The following AFG2A variants were observed in gnomAD, a reference collection of about 807,000 sequenced individuals.
AFG2A encodes the protein ATPase family gene 2 protein homolog A.
At chr4:123,179,307 CTACT>C in the AFG2A span, among the ~76,000 whole-genome samples, 321 of 149,674 alleles carry the variant, frequency 2.1e-3, 3 homozygotes, top group South Asian at 6.4e-3. Flanking sequence ...CTCACACATA[CTACT>C]TACTTACTTA....
chr4:123,166,392 A>T, the AFG2A span, among the ~76,000 whole-genome samples: 1 of 152,162 alleles, frequency 6.6e-6, no homozygotes, highest in Non-Finnish European at 1.5e-5. Flanking sequence ...TTGGAACTCG[A>T]ACTGGCTTCC....
the AFG2A span, among the ~76,000 whole-genome samples, chr4:122,987,437 G>T: frequency 6.6e-6 from 1 of 152,004 alleles, no homozygotes; most frequent in Non-Finnish European, 1.5e-5. Context: ...TTATTGATAG[G>T]TAAGGGCTTA....
chr4:123,141,978 A>G, the AFG2A span, among the ~76,000 whole-genome samples: 2 of 152,150 alleles, frequency 1.3e-5, no homozygotes, highest in African/African-American at 2.4e-5. Flanking sequence ...TAGGTTGACT[A>G]TTTGAATTCG....
At chr4:123,111,804 T>G in the AFG2A span, among the ~76,000 whole-genome samples, 1 of 152,126 alleles carries the variant, frequency 6.6e-6, no homozygotes, top group African/African-American at 2.4e-5. Context: ...TGGCATGATC[T>G]CTGCTCATTG....
chr4:123,214,022 T>C, the AFG2A span, among the ~76,000 whole-genome samples: 1 of 152,164 alleles, frequency 6.6e-6, no homozygotes, highest in African/African-American at 2.4e-5. Context: ...ATCAGTTATT[T>C]TGGCAAATTA....
At chr4:123,117,218 A>G in the AFG2A span, among the ~76,000 whole-genome samples, 1 of 151,982 alleles carries the variant, frequency 6.6e-6, no homozygotes, top group Admixed American at 6.6e-5. Context: ...CAGTGTAAGG[A>G]GTAGGTATTT....
the AFG2A span, among the ~76,000 whole-genome samples, chr4:122,946,236 C>T: frequency 2.0e-5 from 3 of 152,178 alleles, no homozygotes; most frequent in African/African-American, 7.2e-5. Flanking sequence ...CTTATAATTA[C>T]AAGGGTTCTT....
the AFG2A span, among the ~76,000 whole-genome samples, chr4:122,949,138 A>T: frequency 6.6e-6 from 1 of 152,146 alleles, no homozygotes; most frequent in Non-Finnish European, 1.5e-5. Context: ...TACATACACA[A>T]CAGGTTTTAA....
chr4:122,966,425 A>G, the AFG2A span, among the ~76,000 whole-genome samples: 1 of 152,126 alleles, frequency 6.6e-6, no homozygotes, highest in East Asian at 1.9e-4. Context: ...TGAACTCTGG[A>G]GACTTAGGAT....
At chr4:123,017,414 ATTTTTTTTTTTTTTTTT>A in the AFG2A span, among the ~76,000 whole-genome samples, 6 of 74,732 alleles carry the variant, frequency 8.0e-5, no homozygotes, top group African/African-American at 2.1e-4. Flanking sequence ...AGCATGGGAA[ATTTTTTTTTTTTTTTTT>A]TTTTTTTTTT....
At chr4:123,073,590 T>C in the AFG2A span, among the ~76,000 whole-genome samples, 1 of 152,172 alleles carries the variant, frequency 6.6e-6, no homozygotes, top group Non-Finnish European at 1.5e-5. Flanking sequence ...TTTGTTCCTG[T>C]CCAAACTTAT....
chr4:123,057,849 T>C, the AFG2A span, among the ~76,000 whole-genome samples: 1 of 152,030 alleles, frequency 6.6e-6, no homozygotes, highest in Non-Finnish European at 1.5e-5. Flanking sequence ...TGTTCATAAG[T>C]ATGTTTTTTT....
At chr4:123,139,735 A>C in the AFG2A span, among the ~76,000 whole-genome samples, 1 of 152,076 alleles carries the variant, frequency 6.6e-6, no homozygotes, top group Non-Finnish European at 1.5e-5. Flanking sequence ...CATGCTTTAC[A>C]AAAATTGCCA....
the AFG2A span, among the ~76,000 whole-genome samples, chr4:123,109,862 A>C: frequency 6.6e-6 from 1 of 152,188 alleles, no homozygotes; most frequent in Non-Finnish European, 1.5e-5. Context: ...TTAGTATGAA[A>C]TAAACCTGCC....
chr4:123,310,574 T>G, the AFG2A span, among the ~76,000 whole-genome samples: 81 of 152,036 alleles, frequency 5.3e-4, no homozygotes, highest in South Asian at 0.016. Flanking sequence ...TCTAATACCA[T>G]GGTACACACG....
chr4:123,206,868 G>A, the AFG2A span, among the ~76,000 whole-genome samples: 1 of 152,040 alleles, frequency 6.6e-6, no homozygotes, highest in Non-Finnish European at 1.5e-5. Context: ...AGGATTTGCT[G>A]CAAAAGAATT....
chr4:122,964,493 G>C, the AFG2A span, among the ~76,000 whole-genome samples: 4 of 107,624 alleles, frequency 3.7e-5, no homozygotes, highest in East Asian at 8.5e-4. Context: ...AACAGAGCAA[G>C]ACTGTCTCAA....
chr4:122,932,704 T>C, the AFG2A span, among the ~76,000 whole-genome samples: 1 of 152,228 alleles, frequency 6.6e-6, no homozygotes, highest in Non-Finnish European at 1.5e-5. Context: ...TAAGCAACTC[T>C]CTGGGGTGAC....
At chr4:123,135,252 G>A in the AFG2A span, among the ~76,000 whole-genome samples, 1 of 152,152 alleles carries the variant, frequency 6.6e-6, no homozygotes, top group Non-Finnish European at 1.5e-5. Flanking sequence ...CAGAAGGAAT[G>A]TTCCTCCACA....
Sources: allele counts gnomAD v4.1 joint callset (sites outside exome capture counted in the v4.1 genomes callset), GRCh38; gene constraint gnomAD v4.1.1; transcripts MANE v1.5; gene names NCBI Gene and HGNC (gene_info 2026-07-23, HGNC 2026-07-21).